Variants in TMEFF1 observed in about 807,000 individuals in gnomAD.
TMEFF1 encodes the protein transmembrane protein with EGF like and two follistatin like domains 1, also known as tomoregulin-1.
Under a neutral mutation model 47.5 loss-of-function variants are expected in TMEFF1, and 20 were observed. The observed-to-expected ratio is 0.42, with a 90% CI of 0.30 to 0.61. TMEFF1 has a LOEUF of 0.61. TMEFF1 is among the 20% of genes least tolerant of loss of function. The pLI is 0.19. For missense variants in TMEFF1, 411 were observed against 471.1 expected, an observed-to-expected ratio of 0.87 and a Z score of 1.18; for synonymous variants, 162 against 166.3, an observed-to-expected ratio of 0.97 and a Z score of 0.20.
Position 100,562,205 on chromosome 9 carries a change from T to C in TMEFF1, c.899+685T>C, listed in dbSNP as rs76644774. ...TGATGTTTCTATAGACAAGGGGACATTGCTGTCATTTTGCTCACCCTTGCC... is the reference window on the plus strand; with the variant it reads ...TGATGTTTCTATAGACAAGGGGACACTGCTGTCATTTTGCTCACCCTTGCC... On this transcript the variant is annotated intron_variant, in intron 8 of 9. Transcript: ENST00000374879. Among the ~76,000 whole-genome samples, 1,460 of 152,218 alleles carry C rather than the reference T, an allele frequency of 9.6e-3. 16 individuals carry two copies. Among genetic ancestry groups the C allele is most frequent in the Non-Finnish European group, 0.013 (914 of 68,022 alleles).
At chr9:100,495,725 G>A (rs996775302) in intron 1 of TMEFF1, among the ~76,000 whole-genome samples, 1 of 152,174 alleles carries the variant, frequency 6.6e-6, no homozygotes, top group Non-Finnish European at 1.5e-5. Context: ...AATAACCAGA[G>A]TAATCAGAAT....
intron 8 of TMEFF1, among the ~76,000 whole-genome samples, chr9:100,564,672 T>G (rs1253113088): frequency 6.6e-6 from 1 of 152,152 alleles, no homozygotes; most frequent in Non-Finnish European, 1.5e-5. Context: ...TCCCAGGAGC[T>G]TGGCTTTTAT....
intron 3 of TMEFF1, among the ~76,000 whole-genome samples, 200 bp from the exon 4 acceptor site, chr9:100,513,107 A>T (rs1322770868): frequency 6.6e-6 from 1 of 152,156 alleles, no homozygotes; most frequent in Non-Finnish European, 1.5e-5. Flanking sequence ...TGAAATATAG[A>T]TGATTATGTA....
intron 7 of TMEFF1, among the ~76,000 whole-genome samples, chr9:100,552,733 C>T (rs780414852): frequency 2.0e-5 from 3 of 152,028 alleles, no homozygotes; most frequent in African/African-American, 4.8e-5. Flanking sequence ...GGTGGTGGTA[C>T]GCGATGTGGT....
chr9:100,563,166 T>C (rs1839054881), intron 8 of TMEFF1, among the ~76,000 whole-genome samples: 1 of 152,222 alleles, frequency 6.6e-6, no homozygotes. Flanking sequence ...TTGCCCAGGC[T>C]GGTCTTGAAC....
At chr9:100,531,038 C>T (rs201385560) in intron 5 of TMEFF1, among the ~76,000 whole-genome samples, 1 of 151,028 alleles carries the variant, frequency 6.6e-6, no homozygotes, top group African/African-American at 2.4e-5. Flanking sequence ...ATTCAACAAC[C>T]CTTCATGCTA....
intron 2 of TMEFF1, among the ~76,000 whole-genome samples, chr9:100,507,284 A>G (rs534417247): frequency 6.6e-6 from 1 of 152,132 alleles, no homozygotes; most frequent in African/African-American, 2.4e-5. Flanking sequence ...GATTGATTCC[A>G]TGTCTTTGTT....
chr9:100,527,130 G>A (rs1838275356), intron 5 of TMEFF1, among the ~76,000 whole-genome samples: 1 of 151,170 alleles, frequency 6.6e-6, no homozygotes, highest in Non-Finnish European at 1.5e-5. Flanking sequence ...GCGACAGAGT[G>A]AAACTCTGTC....
At chr9:100,517,474 A>G (rs1325953259) in intron 5 of TMEFF1, among the ~76,000 whole-genome samples, 1 of 152,192 alleles carries the variant, frequency 6.6e-6, no homozygotes, top group African/African-American at 2.4e-5. Flanking sequence ...CCGTAACTGC[A>G]TATTCGAGCC....
intron 7 of TMEFF1, among the ~76,000 whole-genome samples, chr9:100,555,081 G>C (rs1238948508): frequency 5.3e-5 from 8 of 152,026 alleles, no homozygotes; most frequent in Non-Finnish European, 1.0e-4. Context: ...ACTGCAGCTG[G>C]TGGTGGATTT....
At chr9:100,568,475 G>A (rs1158180163) in intron 8 of TMEFF1, among the ~76,000 whole-genome samples, 2 of 152,140 alleles carry the variant, frequency 1.3e-5, no homozygotes, top group African/African-American at 4.8e-5. Context: ...ATGAGATTAA[G>A]TTCCCTTAAG....
chr9:100,539,164 C>T (rs1190540854), intron 5 of TMEFF1, among the ~76,000 whole-genome samples: 1 of 152,184 alleles, frequency 6.6e-6, no homozygotes, highest in Non-Finnish European at 1.5e-5. Flanking sequence ...CCTCATCCTC[C>T]CAAAGTGCTG....
At chr9:100,521,163 G>A (rs569044992) in intron 5 of TMEFF1, among the ~76,000 whole-genome samples, 3 of 152,184 alleles carry the variant, frequency 2.0e-5, no homozygotes, top group African/African-American at 4.8e-5. Flanking sequence ...AGTGAAGTGC[G>A]TGAACTTTAT....
chr9:100,542,150 A>C (rs1320959386), intron 5 of TMEFF1, among the ~76,000 whole-genome samples: 1 of 140,564 alleles, frequency 7.1e-6, no homozygotes, highest in Non-Finnish European at 1.6e-5. Context: ...TTTTGAAGTT[A>C]TGGATTTTCC....
chr9:100,474,910 C>G (rs187262060), intron 1 of TMEFF1, among the ~76,000 whole-genome samples: 2 of 152,242 alleles, frequency 1.3e-5, no homozygotes, highest in Non-Finnish European at 1.5e-5. Context: ...CCCAGAGGCG[C>G]ACAAGGATTA....
At chr9:100,504,022 T>A (rs1837813179) in intron 2 of TMEFF1, among the ~76,000 whole-genome samples, 2 of 152,212 alleles carry the variant, frequency 1.3e-5, no homozygotes, top group African/African-American at 4.8e-5. Flanking sequence ...ACACAATAAA[T>A]GCTTGAATGG....
At chr9:100,496,628 G>A (rs1837654216) in intron 1 of TMEFF1, among the ~76,000 whole-genome samples, 1 of 152,158 alleles carries the variant, frequency 6.6e-6, no homozygotes, top group Admixed American at 6.5e-5. Flanking sequence ...ATTCCTTGGG[G>A]TTACCAAATG....
intron 5 of TMEFF1, among the ~76,000 whole-genome samples, chr9:100,523,439 G>C (rs918332554): frequency 6.6e-6 from 1 of 152,082 alleles, no homozygotes. Context: ...TTTTGTCTTG[G>C]GTAAACTGCC....
chr9:100,485,656 C>T (rs546020886), intron 1 of TMEFF1, among the ~76,000 whole-genome samples: 2 of 152,210 alleles, frequency 1.3e-5, no homozygotes, highest in South Asian at 2.1e-4. Context: ...TAACTTCAAC[C>T]TATTTATCCC....
Sources: allele counts gnomAD v4.1 joint callset (sites outside exome capture counted in the v4.1 genomes callset), GRCh38; gene constraint gnomAD v4.1.1; transcripts MANE v1.5; gene names NCBI Gene and HGNC (gene_info 2026-07-23, HGNC 2026-07-21).